Variants in RAB4A observed in about 807,000 individuals in gnomAD.
RAB4A encodes the protein RAB4A, member RAS oncogene family, also known as ras-related protein Rab-4A.
A neutral mutation model predicts 34.5 loss-of-function variants in RAB4A; 20 were observed. The ratio of observed to expected loss-of-function variants is 0.58; its 90% confidence interval spans 0.41 to 0.84. RAB4A has a LOEUF of 0.84. RAB4A is among the 40% of genes least tolerant of loss of function. The pLI, the probability that RAB4A is intolerant of heterozygous loss-of-function variation, is 0.00. For missense variants in RAB4A, 228 were observed against 274.5 expected (o/e 0.83, Z 1.20); for synonymous variants, 102 against 100.0 (o/e 1.02, Z -0.12).
chr1:229,281,067 C>T (rs1466295442), intron 1 of RAB4A, among the ~76,000 whole-genome samples: 2 of 152,240 alleles, frequency 1.3e-5, no homozygotes, highest in Non-Finnish European at 2.9e-5. Flanking sequence ...TTGGGCTATA[C>T]CAATACAACT....
chr1:229,298,596 C>A (rs1236896355), intron 5 of RAB4A, among the ~76,000 whole-genome samples: 1 of 152,168 alleles, frequency 6.6e-6, no homozygotes, highest in Non-Finnish European at 1.5e-5. Context: ...ACTTGTAGGT[C>A]ATATTTGTGG....
chr1:229,298,897 G>C (rs1317776627), intron 5 of RAB4A, 80 bp from the exon 6 acceptor site: 1 of 986,412 alleles, frequency 1.0e-6, no homozygotes, highest in Non-Finnish European at 1.6e-6. Context: ...TTTTCTAAGA[G>C]AATGCTACAC....
At chr1:229,295,776 T>A (rs1222264827) in intron 3 of RAB4A, 72 bp from the exon 4 acceptor site, 22 of 1,498,274 alleles carry the variant, frequency 1.5e-5, no homozygotes, top group Non-Finnish European at 1.9e-5. Flanking sequence ...GCATGGGTGT[T>A]TTTTCATGGG....
At chr1:229,271,565 G>A (rs1656478740) in intron 1 of RAB4A, among the ~76,000 whole-genome samples, 195 bp downstream of exon 1, 1 of 152,200 alleles carries the variant, frequency 6.6e-6, no homozygotes, top group Admixed American at 6.5e-5. Flanking sequence ...GGGGTAGCGG[G>A]TGCGCGGGGC....
At chr1:229,282,624 A>G (rs1477012533) in intron 1 of RAB4A, among the ~76,000 whole-genome samples, 2 of 152,030 alleles carry the variant, frequency 1.3e-5, no homozygotes, top group East Asian at 3.9e-4. Flanking sequence ...TATTTATTTC[A>G]ACCTTTTATT....
chr1:229,281,010 T>C (rs904422917), intron 1 of RAB4A, among the ~76,000 whole-genome samples: 5 of 152,212 alleles, frequency 3.3e-5, no homozygotes, highest in Admixed American at 1.3e-4. Flanking sequence ...GTACCAAAGA[T>C]TGTCTAACAA....
At chr1:229,279,645 G>A (rs1157338432) in intron 1 of RAB4A, among the ~76,000 whole-genome samples, 1 of 152,098 alleles carries the variant, frequency 6.6e-6, no homozygotes, top group African/African-American at 2.4e-5. Flanking sequence ...CTGTGTTCCT[G>A]AATGGCTGAC....
intron 1 of RAB4A, among the ~76,000 whole-genome samples, chr1:229,275,916 G>A (rs1036405983): frequency 3.3e-5 from 5 of 151,040 alleles, no homozygotes; most frequent in Non-Finnish European, 5.9e-5. Flanking sequence ...GTGAGCCACC[G>A]TGCCCGTGTA....
intron 1 of RAB4A, among the ~76,000 whole-genome samples, chr1:229,279,271 TG>T (rs1656720805): frequency 6.6e-6 from 1 of 152,184 alleles, no homozygotes; most frequent in African/African-American, 2.4e-5. Flanking sequence ...GACGATTGCT[TG>T]GGGAAAAAAC....
At chr1:229,283,764 C>T (rs1460744550) in intron 1 of RAB4A, among the ~76,000 whole-genome samples, 1 of 150,006 alleles carries the variant, frequency 6.7e-6, no homozygotes, top group Non-Finnish European at 1.5e-5. Context: ...TTCATTCTTG[C>T]TGCCCAGGCT....
chr1:229,290,986 C>T (rs1406186255), intron 3 of RAB4A, among the ~76,000 whole-genome samples: 1 of 152,072 alleles, frequency 6.6e-6, no homozygotes, highest in Non-Finnish European at 1.5e-5. Flanking sequence ...CCAGAGCGTG[C>T]CATGTGAAAT....
intron 2 of RAB4A, 48 bp downstream of exon 2, chr1:229,286,614 C>T: frequency 8.7e-7 from 1 of 1,153,872 alleles, no homozygotes; most frequent in Non-Finnish European, 1.2e-6. Flanking sequence ...CTTCTGAGAG[C>T]CCTCTCACTC....
chr1:229,288,108 G>GT (rs1185827342), intron 2 of RAB4A, among the ~76,000 whole-genome samples: 3 of 152,116 alleles, frequency 2.0e-5, no homozygotes, highest in Non-Finnish European at 2.9e-5. Context: ...CTTGCATAGG[G>GT]TTTTGTTTTG....
At chr1:229,271,890 C>G (rs527477978) in intron 1 of RAB4A, among the ~76,000 whole-genome samples, 31 of 152,100 alleles carry the variant, frequency 2.0e-4, no homozygotes, top group Non-Finnish European at 4.0e-4. Context: ...CTCCGGAGAC[C>G]TCTTGCTTCG....
At position 229,288,830 on chromosome 1, in the gene RAB4A, CAAG is replaced by C; in HGVS notation, c.217_219del (p.Glu73del). 6.5e-7 allele frequency: 1 copy of C among 1,543,804 alleles called. No individual in the cohort carries two copies. The highest frequency in any genetic ancestry group is 8.9e-7 in the Non-Finnish European group (1 of 1,125,172). On this transcript the variant is annotated inframe_deletion, in exon 3 of 8. Transcript: ENST00000366690. ...GTTACAAATATGGGATACAGCAGGA[CAAG>C]AACGATTCAGGTAGCTTTTCTCTAA...
chr1:229,274,049 C>CTTTTTTTTTTTTTTTTT (rs11339660), intron 1 of RAB4A, among the ~76,000 whole-genome samples: 1 of 86,846 alleles, frequency 1.2e-5, no homozygotes, highest in Non-Finnish European at 2.1e-5. Context: ...TTTTGTTTCC[C>CTTTTTTTTTTTTTTTTT]TTTTTTTTTT....
At chr1:229,274,477 T>G (rs1183866579) in intron 1 of RAB4A, among the ~76,000 whole-genome samples, 1 of 152,234 alleles carries the variant, frequency 6.6e-6, no homozygotes, top group Non-Finnish European at 1.5e-5. Flanking sequence ...AACATTTTTG[T>G]TGCTTTGAAG....
intron 6 of RAB4A, among the ~76,000 whole-genome samples, chr1:229,302,307 A>T (rs1246394845): frequency 0.39 from 13,781 of 34,956 alleles, 2,240 homozygotes; most frequent in African/African-American, 0.55. Flanking sequence ...ATATATATAT[A>T]TATTTTTTTT....
At chr1:229,275,814 C>T (rs1656628824) in intron 1 of RAB4A, among the ~76,000 whole-genome samples, 1 of 151,184 alleles carries the variant, frequency 6.6e-6, no homozygotes. Context: ...TTAGTAGAGG[C>T]GGGGTTTCAC....
Sources: gnomAD v4.1 joint callset for allele counts (sites outside exome capture counted in the v4.1 genomes callset) on GRCh38, gnomAD v4.1.1 for gene constraint, MANE v1.5 for transcripts, NCBI Gene and HGNC (gene_info 2026-07-23, HGNC 2026-07-21) for gene names.